NUFIP2: variants seen among roughly 807,000 people sequenced by gnomAD.
The protein encoded by NUFIP2 is nuclear FMR1 interacting protein 2.
NUFIP2 carries 6 observed loss-of-function variants against 56.9 expected under a neutral mutation model. The observed-to-expected ratio is 0.11, with a 90% CI of 0.06 to 0.21. NUFIP2 has a LOEUF of 0.21. Among genes scored for constraint, NUFIP2 ranks in the 10% least tolerant of loss-of-function variants. The probability of loss-of-function intolerance (pLI) is 1.00; values close to 1 mark genes in which losing one functional copy is unlikely to be tolerated. For synonymous variants in NUFIP2, 321 were observed against 298.2 expected, an observed-to-expected ratio of 1.08 and a Z score of -0.79; for missense variants, 828 against 826.8, an observed-to-expected ratio of 1.00 and a Z score of -0.02.
In NUFIP2 at chr17:29,286,903, T is replaced by G; in HGVS notation, c.1091A>C (p.Glu364Ala). 1 of 1,614,192 alleles carries G rather than the reference T, an allele frequency of 6.2e-7. No individual in the cohort carries two copies. The highest frequency in any genetic ancestry group is 8.5e-7 in the Non-Finnish European group (1 of 1,180,028). Residue 364 changes from glutamate to alanine, a missense_variant, in exon 2 of 4, where the codon GAA (glutamate) becomes GCA (alanine). By Grantham distance (107) the Glu-to-Ala change is moderately radical (BLOSUM62 -1). Around this residue, in one of 3 missense-constraint regions of NUFIP2, gnomAD observed 9 missense variants for 37.8 expected, o/e 0.24. Coordinates refer to ENST00000225388, the MANE Select transcript of NUFIP2 (RefSeq NM_020772.3). ...PKISYASKVKENLNKTIQNSS... is the reference protein window; with the variant it reads ...PKISYASKVKANLNKTIQNSS... ...GTTCTGTATAGTTTTGTTGAGGTTTTCCTTAACTTTGCTTGCATAACTTAT... is the reference window on the plus strand; with the variant it reads ...GTTCTGTATAGTTTTGTTGAGGTTTGCCTTAACTTTGCTTGCATAACTTAT...
Position 29,292,892 on chromosome 17 carries a change from GC to G in NUFIP2, c.277+890del, listed in dbSNP as rs2069226148. On this transcript the variant is annotated intron_variant, in intron 1 of 3. Coordinates refer to ENST00000225388, the MANE Select transcript of NUFIP2 (RefSeq NM_020772.3). ...ACCCCGGCCGGCGACGGGGGGGGGG[GC>G]GGCCGCGGTGCGGGGGGCGCCGGCG... Among the ~76,000 whole-genome samples the G allele has an allele frequency of 1.4e-4, 21 of 145,072 alleles. No individual in the cohort carries two copies. The East Asian group carries it at 1.9e-3, about 13-fold the overall frequency.
chr17:29,287,976 C>T (rs2069188410), intron 1 of NUFIP2, among the ~76,000 whole-genome samples: 1 of 152,222 alleles, frequency 6.6e-6, no homozygotes, highest in African/African-American at 2.4e-5. Flanking sequence ...GACAAGACCT[C>T]TTAAGCAGTA....
intron 2 of NUFIP2, among the ~76,000 whole-genome samples, chr17:29,280,402 GCA>G (rs2069132852): frequency 6.6e-6 from 1 of 152,170 alleles, no homozygotes; most frequent in South Asian, 2.1e-4. Flanking sequence ...TTTTAAGAAG[GCA>G]CAGTTATATG....
At chr17:29,274,797 CAG>C (rs368760991) in intron 2 of NUFIP2, among the ~76,000 whole-genome samples, 70 of 151,838 alleles carry the variant, frequency 4.6e-4, no homozygotes, top group African/African-American at 1.6e-3. Context: ...CAATAATATA[CAG>C]AGAGTCCAAT....
intron 1 of NUFIP2, 43 bp downstream of exon 1, chr17:29,293,740 T>TG: frequency 2.8e-6 from 3 of 1,087,458 alleles, no homozygotes. Flanking sequence ...TCTCCTGTCC[T>TG]CCACCCCCAA....
In NUFIP2 at chr17:29,286,632, G is replaced by A; in HGVS notation, c.1362C>T (p.Leu454=). The change falls in exon 2 of 4, where the codon CTC becomes CTT. Residue 454 remains leucine, a synonymous_variant. Transcript: ENST00000225388. The part of the protein sequence containing the change: ...TPISSGTDSV[L]QDMSLTSAAV... ...CTGCTGAAGTTAGACTCATGTCCTG[G>A]AGAACTGAATCTGTCCCAGAAGAGA... 2 of 1,614,176 alleles carry A rather than the reference G, an allele frequency of 1.2e-6. No individual in the cohort carries two copies. Among genetic ancestry groups the A allele is most frequent in the Non-Finnish European group, 1.7e-6 (2 of 1,180,014 alleles).
rs2068977309 is a variant in NUFIP2 at position 29,257,436 on chromosome 17, G to A, written c.*7103C>T. On this transcript the variant is annotated 3_prime_UTR_variant, in exon 4 of 4. Coordinates refer to ENST00000225388, the MANE Select transcript of NUFIP2 (RefSeq NM_020772.3). ...AGTGTGCAAAATGCATTTCTAAAAC[G>A]TAATGCAAGCAAAGCTTTCACATTT... is the stretch of plus-strand genomic sequence containing the variant. 6.6e-6 allele frequency: 1 copy of A among 151,990 alleles called. No homozygotes were observed. Among genetic ancestry groups the A allele is most frequent in the Non-Finnish European group, 1.5e-5 (1 of 68,002 alleles). 9.4% of individuals were successfully genotyped at this position (151,990 alleles called of 1,614,324 possible).
At position 29,285,459 on chromosome 17, in the gene NUFIP2, T is replaced by C. The variant is rs201150238; in HGVS notation, c.2002+533A>G. Among the ~76,000 whole-genome samples the C allele has an allele frequency of 2.8e-4, 42 of 149,992 alleles. 1 individual carries two copies. Among genetic ancestry groups the C allele is most frequent in the Non-Finnish European group, 5.2e-4 (35 of 67,480 alleles). On this transcript the variant is annotated intron_variant, in intron 2 of 3. Transcript: ENST00000225388. ...TACAAAAATTAGCCGGGCATGGTGG[T>C]GCGTGCCTGTAATCTCAGCTACTCA...
rs932654109 is a variant in NUFIP2, at chr17:29,259,900, A to T, written c.*4639T>A. The stretch of plus-strand genomic sequence containing the variant: ...TGTGAAATTTAAAACTCAGTAAAGC[A>T]ATGCTTTTGAGTGGAGCCAATGATT... On this transcript the variant is annotated 3_prime_UTR_variant, in exon 4 of 4. Transcript: ENST00000225388. The T allele has an allele frequency of 2.6e-5, 4 of 152,176 alleles. No individual in the cohort carries two copies. Among genetic ancestry groups the T allele is most frequent in the African/African-American group, 9.7e-5 (4 of 41,440 alleles). 9.4% of individuals were successfully genotyped at this position (152,176 alleles called of 1,614,324 possible).
rs1267797902 is a variant in NUFIP2 at position 29,255,864 on chromosome 17, A to T, written c.*8675T>A. ...GAAACTTTAAAATTTTTTATTCAAC[A>T]ATGTACACTTATTGTCTCTCAATTT... On this transcript the variant is annotated 3_prime_UTR_variant, in exon 4 of 4. Transcript: ENST00000225388. 1 of 152,250 alleles carries T rather than the reference A, an allele frequency of 6.6e-6. No homozygotes were observed. The highest frequency in any genetic ancestry group is 1.5e-5 in the Non-Finnish European group (1 of 68,038). The allele number at this position is 152,250 out of a possible 1,614,324, so 9.4% of individuals were successfully genotyped here.
At chr17:29,289,656 G>C (rs2069198992) in intron 1 of NUFIP2, among the ~76,000 whole-genome samples, 1 of 152,122 alleles carries the variant, frequency 6.6e-6, no homozygotes, top group African/African-American at 2.4e-5. Flanking sequence ...AAGGCAGCAG[G>C]AAGTGAGGAG....
rs1436948267 is a variant in NUFIP2, at chr17:29,260,398, G to C, written c.*4141C>G. On this transcript the variant is annotated 3_prime_UTR_variant, in exon 4 of 4. Transcript: ENST00000225388. ...TACAAGAGGGATCAGCTGTTGTTGA[G>C]GATGTGGCCCAGCGGCATAACTATA... The C allele has an allele frequency of 6.6e-6, 1 of 152,186 alleles. No individual in the cohort carries two copies. Among genetic ancestry groups the C allele is most frequent in the African/African-American group, 2.4e-5 (1 of 41,432 alleles). The allele number at this position is 152,186 out of a possible 1,614,324, so 9.4% of individuals were successfully genotyped here.
rs150088850 is a variant in NUFIP2 at position 29,286,299 on chromosome 17, G to A, written c.1695C>T (p.Tyr565=). Residue 565 remains tyrosine, a synonymous_variant, in exon 2 of 4, where the codon TAC becomes TAT. Transcript: ENST00000225388. ...GTEHPVFPKA[Y]ELEKRTSPQV... ...GAGGACTAGTCCGTTTCTCCAGCTC[G>A]TAAGCCTTGGGAAACACAGGATGCT... 3.3e-5 allele frequency: 53 copies of A among 1,614,038 alleles called. No individual in the cohort carries two copies. Among genetic ancestry groups the A allele is most frequent in the Non-Finnish European group, 4.2e-5 (49 of 1,180,034 alleles).
intron 1 of NUFIP2, among the ~76,000 whole-genome samples, chr17:29,290,676 G>A (rs1230747901): frequency 6.7e-6 from 1 of 149,516 alleles, no homozygotes; most frequent in Admixed American, 6.7e-5. Flanking sequence ...AAGAAAGAAA[G>A]AAAGAAAGAA....
At chr17:29,268,265 T>C (rs2153010946) in intron 2 of NUFIP2, among the ~76,000 whole-genome samples, 1 of 152,310 alleles carries the variant, frequency 6.6e-6, no homozygotes, top group South Asian at 2.1e-4. Context: ...CAGAATAATT[T>C]TGTCTTCACA....
At chr17:29,270,011 C>T (rs540362734) in intron 2 of NUFIP2, among the ~76,000 whole-genome samples, 122 of 152,178 alleles carry the variant, frequency 8.0e-4, no homozygotes, top group Admixed American at 1.1e-3. Flanking sequence ...TGAGCCACCG[C>T]GCCTGGCCAA....
intron 2 of NUFIP2, among the ~76,000 whole-genome samples, chr17:29,278,075 G>A (rs1268049159): frequency 1.3e-5 from 2 of 152,054 alleles, no homozygotes; most frequent in African/African-American, 4.8e-5. Flanking sequence ...CTGAATTAAG[G>A]TAGTTAGAAG....
intron 2 of NUFIP2, among the ~76,000 whole-genome samples, chr17:29,273,027 T>C (rs939977097): frequency 1.4e-5 from 2 of 138,978 alleles, no homozygotes; most frequent in African/African-American, 5.6e-5. Context: ...TATATATATA[T>C]ATATATACAC....
chr17:29,292,611 C>A (rs554950301), intron 1 of NUFIP2, among the ~76,000 whole-genome samples: 4 of 150,576 alleles, frequency 2.7e-5, no homozygotes, highest in South Asian at 2.1e-4. Flanking sequence ...CCGCCGCCCC[C>A]CCAGGCCTCC....
Sources: allele counts gnomAD v4.1 joint callset (sites outside exome capture counted in the v4.1 genomes callset), GRCh38; gene constraint gnomAD v4.1.1; regional missense constraint gnomAD v4.1.1; transcripts MANE v1.5; gene names NCBI Gene and HGNC (gene_info 2026-07-23, HGNC 2026-07-21).